Variants in HSPD1 observed in about 807,000 individuals in gnomAD.
HSPD1 encodes the protein 60 kDa heat shock protein, mitochondrial.
A neutral mutation model predicts 53.0 loss-of-function variants in HSPD1; 3 were observed. That is an observed-to-expected ratio of 0.06 (90% CI 0.03 to 0.15). The LOEUF (loss-of-function observed/expected upper bound fraction) is 0.15. HSPD1 is among the 10% of genes least tolerant of loss of function. HSPD1 has a pLI of 1.00. For synonymous variants in HSPD1, 200 were observed against 228.0 expected (o/e 0.88, Z 1.10); for missense variants, 431 against 694.1 (o/e 0.62, Z 4.26).
chr2:197,494,974 G>C (rs1190672859), intron 4 of HSPD1: 1 of 598,192 alleles, frequency 1.7e-6, no homozygotes, highest in Non-Finnish European at 3.0e-6. Flanking sequence ...AACTATTCTT[G>C]TAACAAAAAG....
At chr2:197,500,186 G>T (rs2086229761), upstream of HSPD1, 1 of 585,408 alleles carries the variant, frequency 1.7e-6, no homozygotes, top group East Asian at 2.8e-5. Flanking sequence ...GAAAAGCCTA[G>T]AAACAGCTCC....
At chr2:197,499,100 C>T (rs1420209063) in intron 1 of HSPD1, 1 of 561,106 alleles carries the variant, frequency 1.8e-6, no homozygotes, top group Non-Finnish European at 3.2e-6. Flanking sequence ...TCCTTCCCCA[C>T]GGCCACCTAT....
chr2:197,499,296 C>T (rs996076214), intron 1 of HSPD1: 2 of 251,360 alleles, frequency 8.0e-6, no homozygotes, highest in Non-Finnish European at 7.9e-6. Flanking sequence ...CTCCATGGAT[C>T]CACCCAAGGC....
intron 7 of HSPD1, chr2:197,490,654 C>A: frequency 3.5e-6 from 1 of 284,282 alleles, no homozygotes; most frequent in Non-Finnish European, 6.8e-6. Context: ...GATGGTGAAA[C>A]CCTGTCTCTA....
chr2:197,492,446 T>C (rs2086105166), intron 7 of HSPD1, among the ~76,000 whole-genome samples: 1 of 152,048 alleles, frequency 6.6e-6, no homozygotes, highest in Non-Finnish European at 1.5e-5. Flanking sequence ...CGCCTGTGCC[T>C]CCCCAAGTGC....
At chr2:197,494,978 C>G in intron 4 of HSPD1, 1 of 597,732 alleles carries the variant, frequency 1.7e-6, no homozygotes, top group Non-Finnish European at 3.0e-6. Flanking sequence ...ATTCTTGTAA[C>G]AAAAAGTTTA....
chr2:197,494,805 G>T, intron 4 of HSPD1, 53 bp from the exon 5 acceptor site: 2 of 1,169,520 alleles, frequency 1.7e-6, no homozygotes, highest in Non-Finnish European at 2.6e-6. Context: ...AGTGTCCTCA[G>T]TCAGTTCCCT....
intron 7 of HSPD1, 64 bp downstream of exon 7, chr2:197,493,260 A>C: frequency 3.6e-6 from 5 of 1,380,494 alleles, no homozygotes; most frequent in Non-Finnish European, 5.2e-6. Context: ...AACTGCAAAC[A>C]GCAATACAAA....
chr2:197,487,955 A>G lies in HSPD1; in HGVS notation c.1472T>C (p.Val491Ala), dbSNP rs370116588. 2 of 1,612,770 alleles carry G rather than the reference A, an allele frequency of 1.2e-6. No homozygotes were observed. The highest frequency in any genetic ancestry group is 1.7e-6 in the Non-Finnish European group (2 of 1,178,862). ...TGAGGAACTTTGCATAATTTTCTCA[A>G]CTATCAAAGATCCTTCAACACCTGC... Reference protein sequence around the residue: ...KNAGVEGSLIVEKIMQSSSEV... With the variant: ...KNAGVEGSLIAEKIMQSSSEV... The change falls in exon 11 of 12, where the codon GTT becomes GCT. Residue 491 changes from valine (V) to alanine (A), a missense_variant. Coordinates refer to ENST00000388968, the MANE Select transcript of HSPD1 (RefSeq NM_002156.5).
Position 197,490,233 on chromosome 2 carries a change from GTTCT to G in HSPD1, c.929_932del (p.Lys310ThrfsTer20). Reference sequence around the variant, plus strand: ...TAGCAATAGCCATATCTTTAAGCTGGTTCTTTCTATTGTCACCAAACCCTGGAGC... The same window carrying G: ...TAGCAATAGCCATATCTTTAAGCTGGTTCTATTGTCACCAAACCCTGGAGC... On this transcript the variant is annotated frameshift_variant, in exon 8 of 12. Transcript: ENST00000388968. LOFTEE classifies it high-confidence loss of function. 1 of 1,613,854 alleles carries G rather than the reference GTTCT, an allele frequency of 6.2e-7. No individual in the cohort carries two copies. The highest frequency in any genetic ancestry group is 8.5e-7 in the Non-Finnish European group (1 of 1,179,830).
Position 197,494,851 on chromosome 2 carries a change from A to G in HSPD1, c.511-99T>C, listed in dbSNP as rs905000064. On this transcript the variant is annotated intron_variant, in intron 4 of 11. Transcript: ENST00000388968. The stretch of plus-strand genomic sequence containing the variant: ...TAGTAACTTCCAAATTGATACTTCC[A>G]TCCAGGGGAGAGAAGGGGAATTTAC... 1.4e-5 allele frequency: 11 copies of G among 803,424 alleles called. No homozygotes were observed. In the African/African-American group the frequency reaches 1.9e-4, roughly 14 times the overall value. The allele number at this position is 803,424 out of a possible 1,614,324, so 49.8% of individuals were successfully genotyped here. A position where few individuals can be genotyped will look rare whatever the true frequency, so the allele number is the denominator to read the frequency against.
At chr2:197,497,036 G>A in intron 3 of HSPD1, 104 bp downstream of exon 3, 3 of 1,162,516 alleles carry the variant, frequency 2.6e-6, no homozygotes, top group Non-Finnish European at 3.9e-6. Context: ...AGGAATGAGA[G>A]AAGGATTAAT....
chr2:197,497,476 A>C, intron 2 of HSPD1, 84 bp from the exon 3 acceptor site: 1 of 1,347,994 alleles, frequency 7.4e-7, no homozygotes, highest in Non-Finnish European at 1.1e-6. Flanking sequence ...ATAATAAAGC[A>C]ACTACTTCAA....
intron 4 of HSPD1, 180 bp from the exon 5 acceptor site, chr2:197,494,932 GACT>G (rs1320700048): frequency 1.6e-6 from 1 of 636,738 alleles, no homozygotes; most frequent in South Asian, 1.9e-5. Flanking sequence ...TTCATTATTT[GACT>G]ACATTGTTTT....
chr2:197,492,733 C>T (rs1027163865), intron 7 of HSPD1, among the ~76,000 whole-genome samples: 2 of 151,682 alleles, frequency 1.3e-5, no homozygotes, highest in Non-Finnish European at 2.9e-5. Flanking sequence ...ATTACAAGGC[C>T]GGGCGCAGTG....
At chr2:197,487,734 A>G in intron 11 of HSPD1, 124 bp downstream of exon 11, 1 of 750,612 alleles carries the variant, frequency 1.3e-6, no homozygotes, top group Non-Finnish European at 2.4e-6. Flanking sequence ...TGGGCACAAG[A>G]GCTATTGCTG....
intron 2 of HSPD1, chr2:197,497,606 T>C (rs1399542496): frequency 3.4e-6 from 2 of 589,040 alleles, no homozygotes; most frequent in Non-Finnish European, 6.0e-6. Context: ...AGCATAATTT[T>C]GAACTAGGTA....
At chr2:197,490,413 G>T in intron 7 of HSPD1, 117 bp from the exon 8 acceptor site, 1 of 766,268 alleles carries the variant, frequency 1.3e-6, no homozygotes. Context: ...TTTGGTTTTT[G>T]TGTTTTTTTG....
rs1395300717 is a variant in HSPD1, at chr2:197,494,145, A to G, written c.700+12T>C. The G allele has an allele frequency of 2.7e-6, 3 of 1,107,688 alleles. No individual in the cohort carries two copies. The highest frequency in any genetic ancestry group is 1.2e-5 in the South Asian group (1 of 80,046). 68.6% of individuals were successfully genotyped at this position (1,107,688 alleles called of 1,614,324 possible). A position where few individuals can be genotyped will look rare whatever the true frequency, so the allele number is the denominator to read the frequency against. ...AAAAATAATAATAATTCAGTTATTG[A>G]TTTGTTCTTACCTTTTGATGTATTA... is the stretch of plus-strand genomic sequence containing the variant. On this transcript the variant is annotated intron_variant, in intron 6 of 11. Transcript: ENST00000388968.
Sources: gnomAD v4.1 joint callset for allele counts (sites outside exome capture counted in the v4.1 genomes callset) on GRCh38, gnomAD v4.1.1 for gene constraint, MANE v1.5 for transcripts, NCBI Gene and HGNC (gene_info 2026-07-23, HGNC 2026-07-21) for gene names.